The following HPSE2 variants were observed in gnomAD, a reference collection of about 807,000 sequenced individuals.
HPSE2 encodes inactive heparanase-2.
In HPSE2, 38 loss-of-function variants were observed where a neutral mutation model predicts 60.5. The observed-to-expected ratio is 0.63, with a 90% CI of 0.48 to 0.82. The LOEUF is 0.82. HPSE2 is among the 40% of genes least tolerant of loss of function. The pLI, the probability that HPSE2 is intolerant of heterozygous loss-of-function variation, is 0.00. For missense variants in HPSE2, 713 were observed against 740.4 expected (o/e 0.96, Z 0.43); for synonymous variants, 295 against 293.2 (o/e 1.01, Z -0.06).
At chr10:98,729,781 G>T (rs1218756383) in intron 4 of HPSE2, among the ~76,000 whole-genome samples, 2 of 151,882 alleles carry the variant, frequency 1.3e-5, no homozygotes, top group African/African-American at 4.8e-5. Flanking sequence ...ATAATGAGAA[G>T]AAAGGTCTCA....
At chr10:99,044,237 T>C (rs1957804578) in intron 3 of HPSE2, among the ~76,000 whole-genome samples, 1 of 152,160 alleles carries the variant, frequency 6.6e-6, no homozygotes, top group African/African-American at 2.4e-5. Context: ...CCAAGTAAGA[T>C]TTCATATCCT....
At chr10:98,476,552 G>A (rs541758371) in intron 11 of HPSE2, among the ~76,000 whole-genome samples, 5 of 152,188 alleles carry the variant, frequency 3.3e-5, no homozygotes, top group African/African-American at 1.2e-4. Flanking sequence ...CACTTTGGGA[G>A]GCTGCGGCAG....
chr10:98,621,527 C>T (rs1220345304), intron 7 of HPSE2, among the ~76,000 whole-genome samples: 2 of 152,058 alleles, frequency 1.3e-5, no homozygotes. Flanking sequence ...AGAAATAATA[C>T]CAAGGAGCAG....
intron 3 of HPSE2, among the ~76,000 whole-genome samples, chr10:98,946,203 C>T (rs567592888): frequency 2.2e-4 from 33 of 152,134 alleles, no homozygotes; most frequent in African/African-American, 7.0e-4. Flanking sequence ...GACATAGCAG[C>T]TCACACCTGT....
At chr10:98,723,211 A>G (rs1392792152) in intron 4 of HPSE2, among the ~76,000 whole-genome samples, 2 of 152,176 alleles carry the variant, frequency 1.3e-5, no homozygotes, top group African/African-American at 4.8e-5. Flanking sequence ...TTCTGCATCT[A>G]TTGAGATAAT....
intron 5 of HPSE2, 142 bp downstream of exon 5, chr10:98,721,515 G>A: frequency 1.3e-6 from 1 of 757,400 alleles, no homozygotes; most frequent in Non-Finnish European, 2.1e-6. Flanking sequence ...CTTAGAGTGG[G>A]TGAAGCCACT....
chr10:98,951,714 A>G (rs868832809), intron 3 of HPSE2, among the ~76,000 whole-genome samples: 8 of 152,188 alleles, frequency 5.3e-5, no homozygotes, highest in South Asian at 2.1e-4. Context: ...GCCATTTTTC[A>G]TACTCATAAG....
At chr10:98,951,245 A>G (rs1432014113) in intron 3 of HPSE2, among the ~76,000 whole-genome samples, 1 of 152,186 alleles carries the variant, frequency 6.6e-6, no homozygotes, top group African/African-American at 2.4e-5. Flanking sequence ...CTTGTCTCCA[A>G]CTAATAATAG....
chr10:99,301,115 T>C, the HPSE2 span, among the ~76,000 whole-genome samples: 3 of 152,226 alleles, frequency 2.0e-5, no homozygotes, highest in Non-Finnish European at 4.4e-5. Flanking sequence ...AAGGATGCTT[T>C]CTTTTTATAT....
intron 4 of HPSE2, among the ~76,000 whole-genome samples, chr10:98,728,923 C>T (rs571852194): frequency 4.6e-5 from 7 of 152,156 alleles, no homozygotes; most frequent in Middle Eastern, 3.4e-3. Context: ...GTGGGAGAAT[C>T]GCTTGAGTCC....
At chr10:98,620,156 G>GATTA (rs1946033806) in intron 8 of HPSE2, among the ~76,000 whole-genome samples, 1 of 152,206 alleles carries the variant, frequency 6.6e-6, no homozygotes, top group Non-Finnish European at 1.5e-5. Flanking sequence ...TTAAAAGTAT[G>GATTA]ATTACTACAG....
rs117159816 is a variant in HPSE2 at position 99,217,840 on chromosome 10, C to A, written c.448+14508G>T. Among the ~76,000 whole-genome samples the A allele has an allele frequency of 1.8e-3, 280 of 152,216 alleles. 2 individuals are homozygous for A. Among genetic ancestry groups the A allele is most frequent in the Non-Finnish European group, 3.3e-3 (225 of 68,004 alleles). ...GCCTCAAACAATCCTCTTGGCTTAGCCTCACAACGTTTTGGGACTTCAGAT... is the reference window on the plus strand; with the variant it reads ...GCCTCAAACAATCCTCTTGGCTTAGACTCACAACGTTTTGGGACTTCAGAT... On this transcript the variant is annotated intron_variant, in intron 2 of 11. Coordinates refer to ENST00000370552, the MANE Select transcript of HPSE2 (RefSeq NM_021828.5).
intron 3 of HPSE2, among the ~76,000 whole-genome samples, chr10:99,035,390 G>GGT (rs1330678190): frequency 6.6e-6 from 1 of 152,130 alleles, no homozygotes; most frequent in African/African-American, 2.4e-5. Flanking sequence ...CTCACTAGAA[G>GGT]GTGTTCAGGG....
chr10:99,062,140 C>T (rs573268520), intron 3 of HPSE2, among the ~76,000 whole-genome samples: 1 of 152,254 alleles, frequency 6.6e-6, no homozygotes, highest in Admixed American at 6.5e-5. Context: ...CATCCTAGGG[C>T]AGTGTTCTAT....
intron 6 of HPSE2, among the ~76,000 whole-genome samples, chr10:98,648,733 ACTCT>A (rs1326626983): frequency 6.6e-6 from 1 of 152,042 alleles, no homozygotes; most frequent in African/African-American, 2.4e-5. Flanking sequence ...ACAGAACGAG[ACTCT>A]CTAAAAAAAA....
intron 3 of HPSE2, among the ~76,000 whole-genome samples, chr10:98,861,729 G>A (rs779087616): frequency 3.9e-5 from 6 of 152,294 alleles, no homozygotes; most frequent in Non-Finnish European, 8.8e-5. Flanking sequence ...ACAGATATGA[G>A]AGGGCAGCCA....
chr10:99,157,384 G>C (rs1209372537), intron 2 of HPSE2, among the ~76,000 whole-genome samples: 11 of 92,244 alleles, frequency 1.2e-4, no homozygotes, highest in Admixed American at 2.7e-4. Flanking sequence ...AAACAGCATG[G>C]TACTGGTACC....
intron 9 of HPSE2, among the ~76,000 whole-genome samples, chr10:98,516,173 C>G (rs1257147223): frequency 1.3e-5 from 2 of 152,162 alleles, no homozygotes; most frequent in African/African-American, 4.8e-5. Flanking sequence ...CTCGGCCCTT[C>G]ACATATATTA....
intron 3 of HPSE2, among the ~76,000 whole-genome samples, chr10:99,016,662 G>T (rs1028528718): frequency 8.5e-5 from 13 of 152,220 alleles, no homozygotes; most frequent in Admixed American, 7.9e-4. Flanking sequence ...CTATCCATGA[G>T]CATGGAATCT....
Sources: allele counts gnomAD v4.1 joint callset (sites outside exome capture counted in the v4.1 genomes callset), GRCh38; gene constraint gnomAD v4.1.1; transcripts MANE v1.5; gene names NCBI Gene and HGNC (gene_info 2026-07-23, HGNC 2026-07-21).